Variants in ZDHHC15 observed in about 807,000 individuals in gnomAD.
ZDHHC15 encodes palmitoyltransferase ZDHHC15.
ZDHHC15 carries 19 observed loss-of-function variants against 31.7 expected under a neutral mutation model. That is an observed-to-expected ratio of 0.60 (90% CI 0.42 to 0.88). The LOEUF is 0.88. ZDHHC15 is among the 40% of genes least tolerant of loss of function. ZDHHC15 has a pLI of 0.00. For synonymous variants in ZDHHC15, 103 were observed against 90.0 expected (o/e 1.14, Z -0.82); for missense variants, 209 against 251.2 (o/e 0.83, Z 1.14).
chrX:75,402,496 C>G lies in ZDHHC15; in HGVS notation c.967+14591G>C, dbSNP rs747471668. On this transcript the variant is annotated intron_variant, in intron 10 of 11. Coordinates refer to ENST00000373367, the MANE Select transcript of ZDHHC15 (RefSeq NM_144969.3). ...ATTAAAAAAATGGATAGGCCACTAG[C>G]TAGACTAATTAAGAAGAAAAGGGAG... 3.4e-4 allele frequency among the ~76,000 whole-genome samples: 38 copies of G among 110,439 alleles called. 1 individual carries two copies. The South Asian group carries it at 0.014, about 42-fold the overall frequency.
intron 4 of ZDHHC15, among the ~76,000 whole-genome samples, chrX:75,435,755 G>T (rs901123727): frequency 8.9e-6 from 1 of 112,055 alleles, no homozygotes. Flanking sequence ...GTATTTTGTT[G>T]AGGATTTCTG....
intron 10 of ZDHHC15, among the ~76,000 whole-genome samples, chrX:75,416,653 A>G (rs2083551885): frequency 8.9e-6 from 1 of 111,775 alleles, no homozygotes; most frequent in Admixed American, 9.6e-5. Context: ...ACTATCTTTT[A>G]GTTTTTAGTG....
intron 3 of ZDHHC15, among the ~76,000 whole-genome samples, chrX:75,476,048 G>T (rs1437653152): frequency 9.0e-6 from 1 of 110,773 alleles, no homozygotes; most frequent in Non-Finnish European, 1.9e-5. Flanking sequence ...ATTGGTTTTT[G>T]CGTGATGTGG....
At chrX:75,487,680 G>T (rs988899321) in intron 2 of ZDHHC15, among the ~76,000 whole-genome samples, 5 of 111,905 alleles carry the variant, frequency 4.5e-5, no homozygotes, top group Non-Finnish European at 9.4e-5. Context: ...AAACTAAGAA[G>T]AACTCTCTGA....
chrX:75,495,932 T>A (rs1254698126), intron 2 of ZDHHC15, among the ~76,000 whole-genome samples: 7 of 95,183 alleles, frequency 7.4e-5, no homozygotes, highest in African/African-American at 2.3e-4. Flanking sequence ...GAAGCATAAT[T>A]AAAAAAAAAA....
At chrX:75,492,017 A>G (rs191194207) in intron 2 of ZDHHC15, among the ~76,000 whole-genome samples, 1 of 111,494 alleles carries the variant, frequency 9.0e-6, no homozygotes, top group East Asian at 2.8e-4. Context: ...AAGAGTCAAG[A>G]CCCATCAGTG....
chrX:75,462,718 C>T (rs747832345), intron 3 of ZDHHC15, among the ~76,000 whole-genome samples: 5 of 111,521 alleles, frequency 4.5e-5, no homozygotes, highest in South Asian at 3.8e-4. Flanking sequence ...TTCTTTGAAA[C>T]GAATGAGAAC....
intron 1 of ZDHHC15, among the ~76,000 whole-genome samples, chrX:75,511,820 C>T (rs1252363516): frequency 8.5e-5 from 5 of 58,626 alleles, no homozygotes. Context: ...CAAAGCCGGG[C>T]AGAGACACAA....
At chrX:75,473,470 T>G (rs1329843695) in intron 3 of ZDHHC15, among the ~76,000 whole-genome samples, 2 of 110,703 alleles carry the variant, frequency 1.8e-5, no homozygotes, top group Non-Finnish European at 3.8e-5. Flanking sequence ...TTGTTCCAGA[T>G]GGAGGAACAT....
At chrX:75,427,531 A>G (rs2147857305) in intron 7 of ZDHHC15, among the ~76,000 whole-genome samples, 1 of 111,648 alleles carries the variant, frequency 9.0e-6, no homozygotes, top group South Asian at 3.7e-4. Context: ...AGTGGTTCCT[A>G]AACAGTAGCC....
At chrX:75,407,098 C>A (rs2083420199) in intron 10 of ZDHHC15, among the ~76,000 whole-genome samples, 1 of 112,470 alleles carries the variant, frequency 8.9e-6, no homozygotes, top group Admixed American at 9.3e-5. Context: ...CTCTGCCCAG[C>A]CGCTACCCCG....
intron 3 of ZDHHC15, among the ~76,000 whole-genome samples, chrX:75,476,924 G>C (rs928768696): frequency 9.0e-6 from 1 of 110,505 alleles, no homozygotes; most frequent in Non-Finnish European, 1.9e-5. Context: ...TGATTACTTT[G>C]GTTTTAGATT....
chrX:75,411,448 G>A (rs1469076402), intron 10 of ZDHHC15, among the ~76,000 whole-genome samples: 1 of 112,317 alleles, frequency 8.9e-6, no homozygotes, highest in Non-Finnish European at 1.9e-5. Context: ...TCCTGACCTC[G>A]TGATCCGCCC....
At chrX:75,404,691 C>T (rs1569312815) in intron 10 of ZDHHC15, among the ~76,000 whole-genome samples, 2 of 111,933 alleles carry the variant, frequency 1.8e-5, no homozygotes, top group Non-Finnish European at 3.8e-5. Flanking sequence ...CATCTTACAG[C>T]AGTCAGAATG....
intron 4 of ZDHHC15, among the ~76,000 whole-genome samples, chrX:75,442,092 C>G (rs764566136): frequency 2.7e-5 from 3 of 112,096 alleles, no homozygotes; most frequent in Non-Finnish European, 5.6e-5. Context: ...TCATACGGTG[C>G]CCAGATATTT....
chrX:75,495,453 A>C (rs2148024113), intron 2 of ZDHHC15, among the ~76,000 whole-genome samples: 1 of 111,316 alleles, frequency 9.0e-6, no homozygotes, highest in Non-Finnish European at 1.9e-5. Context: ...AGGATTATAA[A>C]TCATGCTGCT....
intron 7 of ZDHHC15, among the ~76,000 whole-genome samples, chrX:75,427,089 A>G (rs1349107633): frequency 3.6e-5 from 4 of 112,131 alleles, no homozygotes; most frequent in South Asian, 3.7e-4. Context: ...TTCAAAATAT[A>G]TGGCAGTGTT....
At chrX:75,457,095 G>GA (rs766660052) in intron 3 of ZDHHC15, among the ~76,000 whole-genome samples, 3 of 111,523 alleles carry the variant, frequency 2.7e-5, no homozygotes, top group East Asian at 2.8e-4. Context: ...CTGATATTTA[G>GA]AAAAAATCTA....
chrX:75,395,988 G>A (rs762182842), intron 10 of ZDHHC15, among the ~76,000 whole-genome samples: 4 of 112,070 alleles, frequency 3.6e-5, no homozygotes, highest in Admixed American at 2.8e-4. Context: ...ATATATAAAA[G>A]TCAAATCAGA....
Sources: gnomAD v4.1 joint callset for allele counts (sites outside exome capture counted in the v4.1 genomes callset) on GRCh38, gnomAD v4.1.1 for gene constraint, MANE v1.5 for transcripts, NCBI Gene and HGNC (gene_info 2026-07-23, HGNC 2026-07-21) for gene names.